Variants in SH3RF2 observed in about 807,000 individuals in gnomAD.
SH3RF2 encodes the protein SH3 domain containing ring finger 2.
A neutral mutation model predicts 59.0 loss-of-function variants in SH3RF2; 43 were observed. The ratio of observed to expected loss-of-function variants is 0.73; its 90% CI spans 0.57 to 0.94. The LOEUF is 0.94. Ranked by LOEUF, SH3RF2 falls within the 40% of genes least tolerant of loss-of-function variation. The probability of loss-of-function intolerance (pLI) is 0.00; values close to 1 mark genes in which losing one functional copy is unlikely to be tolerated. For synonymous variants in SH3RF2, 391 were observed against 391.5 expected (o/e 1.00, Z 0.01); for missense variants, 930 against 940.1 (o/e 0.99, Z 0.14).
Position 146,013,813 on chromosome 5 carries a change from C to T in SH3RF2, c.811C>T (p.Leu271=). ...KGRQSSRTKN[L]SLVSSSSRGN... ...TCGCCAGTCATCCCGCACAAAAAAC[C>T]TGTCCCTGGTGTCCTCGTCCTCCAG... Residue 271 remains leucine (L), a synonymous_variant, in exon 5 of 10, where the codon CTG becomes TTG. Coordinates refer to ENST00000359120, the MANE Select transcript of SH3RF2 (RefSeq NM_152550.4). 1 of 1,614,196 alleles carries T rather than the reference C, an allele frequency of 6.2e-7. No homozygotes were observed. The highest frequency in any genetic ancestry group is 8.5e-7 in the Non-Finnish European group (1 of 1,180,016).
Position 146,013,904 on chromosome 5 carries a change from T to G in SH3RF2, c.902T>G (p.Ile301Ser), listed in dbSNP as rs761432005. Residue 301 changes from isoleucine (I) to serine (S), a missense_variant, in exon 5 of 10, where the codon ATC becomes AGC. Physicochemically the swap from Ile to Ser is moderately radical, Grantham distance 142 (BLOSUM62 -2). Coordinates refer to ENST00000359120, the MANE Select transcript of SH3RF2 (RefSeq NM_152550.4). ...AGGAAGGTGCCTGGGCAGTTTTCCA[T>G]CACAACAGCCTTGAACACTCTCAAC... ...SRRKVPGQFS[I>S]TTALNTLNRM... 6.2e-7 allele frequency: 1 copy of G among 1,614,094 alleles called. No homozygotes were observed. The highest frequency in any genetic ancestry group is 2.2e-5 in the East Asian group (1 of 44,868).
At chr5:146,055,717 C>G in intron 7 of SH3RF2, 2 of 505,942 alleles carry the variant, frequency 4.0e-6, no homozygotes, top group East Asian at 6.9e-5. Context: ...GGATGAAATT[C>G]AAGTCTTCTA....
chr5:146,041,539 A>C (rs1393780051), intron 5 of SH3RF2, among the ~76,000 whole-genome samples: 2 of 152,182 alleles, frequency 1.3e-5, no homozygotes, highest in Non-Finnish European at 1.5e-5. Flanking sequence ...GAGTCTATAG[A>C]AGGGAATGAG....
Position 146,018,717 on chromosome 5 carries a change from A to G in SH3RF2, c.1059+4656A>G, listed in dbSNP as rs1013404426. Reference sequence around the variant, plus strand: ...TTGAGAGAGCTCCATACTGTTTTCCATAGAGGTTAAACTAATTTAAATTTC... The same window carrying G: ...TTGAGAGAGCTCCATACTGTTTTCCGTAGAGGTTAAACTAATTTAAATTTC... On this transcript the variant is annotated intron_variant, in intron 5 of 9. Coordinates refer to ENST00000359120, the MANE Select transcript of SH3RF2 (RefSeq NM_152550.4). Among the ~76,000 whole-genome samples the G allele has an allele frequency of 3.3e-5, 5 of 152,290 alleles. No individual in the cohort carries two copies. In the Middle Eastern group the frequency reaches 0.01, roughly 311 times the overall value.
intron 9 of SH3RF2, among the ~76,000 whole-genome samples, chr5:146,072,818 C>G (rs541190102): frequency 6.6e-6 from 1 of 152,258 alleles, no homozygotes; most frequent in South Asian, 2.1e-4. Context: ...ATACAGGCCC[C>G]GTGTTTCCCT....
At chr5:146,057,926 G>GTC (rs1561768225) in intron 8 of SH3RF2, among the ~76,000 whole-genome samples, 2 of 136,994 alleles carry the variant, frequency 1.5e-5, no homozygotes. Flanking sequence ...TGGGCTGTTA[G>GTC]TGTCTCTCTC....
intron 2 of SH3RF2, among the ~76,000 whole-genome samples, chr5:145,957,385 G>A (rs778423620): frequency 1.8e-4 from 27 of 152,154 alleles, no homozygotes; most frequent in Non-Finnish European, 3.4e-4. Context: ...TAGCTGTAAT[G>A]CAGAGAAGCG....
intron 5 of SH3RF2, among the ~76,000 whole-genome samples, chr5:146,031,996 A>G (rs1490231856): frequency 6.6e-6 from 1 of 152,214 alleles, no homozygotes; most frequent in African/African-American, 2.4e-5. Flanking sequence ...TGAACTTCAT[A>G]GCCAAGGTCC....
intron 4 of SH3RF2, 150 bp downstream of exon 4, chr5:146,004,303 C>A: frequency 2.0e-6 from 1 of 488,424 alleles, no homozygotes; most frequent in Non-Finnish European, 3.5e-6. Context: ...CAATAATACC[C>A]AATTCTGGCA....
intron 2 of SH3RF2, among the ~76,000 whole-genome samples, chr5:145,992,728 GAA>G (rs1759996764): frequency 7.3e-5 from 11 of 150,942 alleles, no homozygotes; most frequent in Non-Finnish European, 1.5e-5. Flanking sequence ...AACAGCACAG[GAA>G]AGACTTGCCC....
At chr5:145,979,867 A>G (rs1441147732) in intron 2 of SH3RF2, among the ~76,000 whole-genome samples, 1 of 152,180 alleles carries the variant, frequency 6.6e-6, no homozygotes, top group Admixed American at 6.6e-5. Flanking sequence ...AAACCATACA[A>G]TAGGTACTGA....
chr5:146,077,450 CAA>C (rs1167930788), intron 9 of SH3RF2, among the ~76,000 whole-genome samples: 4 of 152,176 alleles, frequency 2.6e-5, no homozygotes, highest in Admixed American at 6.5e-5. Context: ...TAAAACAGTG[CAA>C]AGAGTTCCTG....
chr5:145,966,160 G>C (rs1423641543), intron 2 of SH3RF2, among the ~76,000 whole-genome samples: 1 of 152,184 alleles, frequency 6.6e-6, no homozygotes, highest in Non-Finnish European at 1.5e-5. Flanking sequence ...ATGAAACCAG[G>C]AGCAGTCTGA....
chr5:146,081,292 CTT>C (rs912674029), exon 10 of SH3RF2: 45 of 151,700 alleles, frequency 3.0e-4, no homozygotes, highest in African/African-American at 9.0e-4. Flanking sequence ...TTCAAGTCCT[CTT>C]TTCCTGGACT....
At chr5:146,053,079 G>A (rs1198887416) in intron 7 of SH3RF2, among the ~76,000 whole-genome samples, 1 of 152,264 alleles carries the variant, frequency 6.6e-6, no homozygotes, top group African/African-American at 2.4e-5. Context: ...CTAATGAACT[G>A]AGCCACCCAG....
At chr5:146,046,844 A>G (rs1471715925) in intron 5 of SH3RF2, among the ~76,000 whole-genome samples, 1 of 151,994 alleles carries the variant, frequency 6.6e-6, no homozygotes, top group Admixed American at 6.6e-5. Context: ...GCTCACTGTA[A>G]CCTTGACCTC....
At chr5:146,042,047 T>C (rs1762144294) in intron 5 of SH3RF2, among the ~76,000 whole-genome samples, 1 of 152,166 alleles carries the variant, frequency 6.6e-6, no homozygotes, top group East Asian at 1.9e-4. Flanking sequence ...CCATACCAGC[T>C]CTAGAGTAGT....
chr5:146,074,045 T>TTTTTTTTG (rs1269415305), intron 9 of SH3RF2, among the ~76,000 whole-genome samples: 28 of 144,540 alleles, frequency 1.9e-4, no homozygotes, highest in African/African-American at 7.4e-4. Context: ...TCTTTTTTTT[T>TTTTTTTTG]TTTTTTTTTT....
At chr5:146,021,408 G>T (rs1346566453) in intron 5 of SH3RF2, among the ~76,000 whole-genome samples, 1 of 152,004 alleles carries the variant, frequency 6.6e-6, no homozygotes, top group East Asian at 1.9e-4. Flanking sequence ...AAGTGATGTT[G>T]TCAGAGCACT....
Sources: allele counts gnomAD v4.1 joint callset (sites outside exome capture counted in the v4.1 genomes callset), GRCh38; gene constraint gnomAD v4.1.1; transcripts MANE v1.5; gene names NCBI Gene and HGNC (gene_info 2026-07-23, HGNC 2026-07-21).